The following TP63 variants were observed in gnomAD, a reference collection of about 807,000 sequenced individuals.
TP63 encodes the protein tumor protein 63.
A neutral mutation model predicts 82.8 loss-of-function variants in TP63; 17 were observed. That is an observed-to-expected ratio of 0.21 (90% CI 0.14 to 0.31). The LOEUF (loss-of-function observed/expected upper bound fraction) is 0.31, where lower values mean the gene tolerates loss of function less well. Among genes scored for constraint, TP63 ranks in the 10% least tolerant of loss-of-function variants. The pLI is 1.00. For missense variants in TP63, 648 were observed against 895.3 expected (o/e 0.72, Z 3.52); for synonymous variants, 330 against 321.7 (o/e 1.03, Z -0.28).
At chr3:189,620,714 A>C in the TP63 span, among the ~76,000 whole-genome samples, 1 of 152,188 alleles carries the variant, frequency 6.6e-6, no homozygotes, top group Admixed American at 6.5e-5. Flanking sequence ...TACTAGGTTC[A>C]GTCCTTGGTT....
chr3:189,676,896 A>G (rs1422470241), intron 1 of TP63, among the ~76,000 whole-genome samples: 2 of 152,070 alleles, frequency 1.3e-5, no homozygotes. Flanking sequence ...GTCTTCCACG[A>G]AACTGGTCCC....
intron 4 of TP63, among the ~76,000 whole-genome samples, chr3:189,849,330 T>G (rs1560255742): frequency 6.6e-6 from 1 of 152,152 alleles, no homozygotes; most frequent in Non-Finnish European, 1.5e-5. Flanking sequence ...GGTCAGAAGT[T>G]CCAGAGGTCT....
chr3:189,725,185 T>G (rs1719682328), intron 1 of TP63, among the ~76,000 whole-genome samples: 1 of 152,072 alleles, frequency 6.6e-6, no homozygotes, highest in Non-Finnish European at 1.5e-5. Context: ...TTACTAAAAA[T>G]GAAATTTACC....
chr3:189,720,882 A>C (rs1719340771), intron 1 of TP63, among the ~76,000 whole-genome samples: 1 of 152,190 alleles, frequency 6.6e-6, no homozygotes, highest in Non-Finnish European at 1.5e-5. Flanking sequence ...AACAAAGAGA[A>C]GGCTCCCAGC....
chr3:189,839,228 A>G (rs1043450329), intron 4 of TP63, among the ~76,000 whole-genome samples: 2 of 152,158 alleles, frequency 1.3e-5, no homozygotes, highest in Non-Finnish European at 2.9e-5. Flanking sequence ...ATGTCAGAAT[A>G]ACAGTGATTC....
chr3:189,716,860 G>T (rs914775946), intron 1 of TP63, among the ~76,000 whole-genome samples: 1 of 151,542 alleles, frequency 6.6e-6, no homozygotes, highest in Non-Finnish European at 1.5e-5. Flanking sequence ...GTGCAGTGGC[G>T]CAATCTCGGC....
rs1383931117 is a variant in TP63, at chr3:189,689,098, C to CTTTTTTTTT, written c.63-48637_63-48636insTTTTTTTTT. 6.9e-3 allele frequency among the ~76,000 whole-genome samples: 590 copies of CTTTTTTTTT among 85,142 alleles called. 206 individuals are homozygous for CTTTTTTTTT. The highest frequency in any genetic ancestry group is 9.5e-3 in the Non-Finnish European group (443 of 46,810). The allele number at this position is 85,142 out of a possible 152,430, so 55.9% of individuals were successfully genotyped here. On this transcript the variant is annotated intron_variant, in intron 1 of 13. Coordinates refer to ENST00000264731, the MANE Select transcript of TP63 (RefSeq NM_003722.5). ...CAGAGTGGCCAGCATTCAAATCTACCTTTTTCTTTTTTTTTTTTTTTTTTT... is the reference window on the plus strand; with the variant it reads ...CAGAGTGGCCAGCATTCAAATCTACCTTTTTTTTTTTTTTCTTTTTTTTTTTTTTTTTTT...
At chr3:189,737,200 G>C (rs986342941) in intron 1 of TP63, among the ~76,000 whole-genome samples, 1 of 152,052 alleles carries the variant, frequency 6.6e-6, no homozygotes, top group Admixed American at 6.5e-5. Context: ...TAGGTCCACA[G>C]GTTTGAGTTT....
intron 4 of TP63, among the ~76,000 whole-genome samples, chr3:189,860,461 G>T (rs11720358): frequency 2.0e-5 from 3 of 151,854 alleles, no homozygotes; most frequent in Admixed American, 6.6e-5. Flanking sequence ...ACTTAGTACT[G>T]GGTAAAAAAA....
chr3:189,705,790 G>A (rs1334050288), intron 1 of TP63, among the ~76,000 whole-genome samples: 3 of 152,116 alleles, frequency 2.0e-5, no homozygotes, highest in Non-Finnish European at 4.4e-5. Context: ...ATGTCAAAAG[G>A]TAGAAAGGAA....
intron 4 of TP63, among the ~76,000 whole-genome samples, chr3:189,854,997 G>C (rs147310334): frequency 1.0e-3 from 157 of 152,260 alleles, no homozygotes; most frequent in African/African-American, 3.7e-3. Flanking sequence ...AGAAGTGAAA[G>C]TATTATTTGT....
At position 189,839,059 on chromosome 3, in the gene TP63, A is replaced by T. The variant is rs112772490; in HGVS notation, c.580-25173A>T. ...CTAAGCTAAAAAAAAAAAAAAAAAA[A>T]AAAAAGAAAAAGAAAAAGTAGATTT... On this transcript the variant is annotated intron_variant, in intron 4 of 13. Coordinates refer to ENST00000264731, the MANE Select transcript of TP63 (RefSeq NM_003722.5). Among the ~76,000 whole-genome samples, 7 of 136,700 alleles carry T rather than the reference A, an allele frequency of 5.1e-5. No homozygotes were observed. The South Asian group carries it at 1.5e-3, about 29-fold the overall frequency. 89.7% of individuals were successfully genotyped at this position (136,700 alleles called of 152,430 possible).
chr3:189,824,025 T>C (rs1173000338), intron 4 of TP63, among the ~76,000 whole-genome samples: 64 of 152,148 alleles, frequency 4.2e-4, no homozygotes, highest in Admixed American at 4.2e-3. Context: ...GCCAAAAGCC[T>C]AATAGCCCCC....
Position 189,896,528 on chromosome 3 carries a change from G to A in TP63, c.*2026G>A, listed in dbSNP as rs551738962. The A allele has an allele frequency of 4.8e-6, 1 of 209,664 alleles. No individual in the cohort carries two copies. The highest frequency in any genetic ancestry group is 2.3e-5 in the African/African-American group (1 of 44,042). 13.0% of individuals were successfully genotyped at this position (209,664 alleles called of 1,614,324 possible). A position where few individuals can be genotyped will look rare whatever the true frequency, so the allele number is the denominator to read the frequency against. ...TTTTGTTGTACTTAAATGGTAATAA[G>A]CACTGTAAACTTCTGCAACAAGCAT... On this transcript the variant is annotated 3_prime_UTR_variant, in exon 14 of 14. Transcript: ENST00000264731.
At chr3:189,801,658 A>C (rs1249904775) in intron 3 of TP63, among the ~76,000 whole-genome samples, 1 of 152,048 alleles carries the variant, frequency 6.6e-6, no homozygotes, top group Non-Finnish European at 1.5e-5. Flanking sequence ...TGTCCACCTG[A>C]TCAGACAACT....
At chr3:189,819,133 A>G (rs1034839282) in intron 4 of TP63, among the ~76,000 whole-genome samples, 2 of 152,192 alleles carry the variant, frequency 1.3e-5, no homozygotes, top group Admixed American at 1.3e-4. Flanking sequence ...ATATTCCCAT[A>G]GTTAGAATGG....
chr3:189,891,110 A>G (rs1176080604), intron 13 of TP63, among the ~76,000 whole-genome samples: 5 of 152,202 alleles, frequency 3.3e-5, no homozygotes, highest in Non-Finnish European at 5.9e-5. Flanking sequence ...TCAGTCAACA[A>G]TTGTCTATTG....
intron 4 of TP63, among the ~76,000 whole-genome samples, chr3:189,819,902 C>A (rs1012444760): frequency 6.6e-5 from 10 of 151,988 alleles, no homozygotes; most frequent in African/African-American, 2.4e-4. Flanking sequence ...AGGCGCGTGA[C>A]TCCATGCCCA....
Position 189,896,845 on chromosome 3 carries a change from C to T in TP63, c.*2343C>T, listed in dbSNP as rs1721511485. 4.7e-6 allele frequency: 1 copy of T among 214,070 alleles called. No homozygotes were observed. Among genetic ancestry groups the T allele is most frequent in the African/African-American group, 2.3e-5 (1 of 44,252 alleles). 13.3% of individuals were successfully genotyped at this position (214,070 alleles called of 1,614,324 possible). A position where few individuals can be genotyped will look rare whatever the true frequency, so the allele number is the denominator to read the frequency against. On this transcript the variant is annotated 3_prime_UTR_variant, in exon 14 of 14. Transcript: ENST00000264731. ...GTAAAAGGATAGTAAGCATAGAAAC[C>T]ACTAGAAAGTGGGCTTAATGGAGTT...
Sources: allele counts gnomAD v4.1 joint callset (sites outside exome capture counted in the v4.1 genomes callset), GRCh38; gene constraint gnomAD v4.1.1; transcripts MANE v1.5; gene names NCBI Gene and HGNC (gene_info 2026-07-23, HGNC 2026-07-21).